FHOD3: variants seen among roughly 807,000 people sequenced by gnomAD.
FHOD3 encodes the protein formin homology 2 domain containing 3, also known as FH1/FH2 domain-containing protein 3.
In FHOD3, 90 loss-of-function variants were observed where a neutral mutation model predicts 173.0. That is an observed-to-expected ratio of 0.52 (90% confidence interval 0.44 to 0.62). The LOEUF (loss-of-function observed/expected upper bound fraction) is 0.62. Among genes scored for constraint, FHOD3 ranks in the 20% least tolerant of loss-of-function variants. The pLI is 0.00. For missense variants in FHOD3, 1,945 were observed against 2,034.7 expected (o/e 0.96, Z 0.85); for synonymous variants, 828 against 823.0 (o/e 1.01, Z -0.10).
intron 13 of FHOD3, among the ~76,000 whole-genome samples, chr18:36,655,519 G>A (rs889655596): frequency 1.3e-5 from 2 of 152,112 alleles, no homozygotes; most frequent in African/African-American, 2.4e-5. Flanking sequence ...TGTGAATGAA[G>A]GTTGACTTTG....
chr18:36,373,252 C>T (rs896756423), intron 3 of FHOD3, among the ~76,000 whole-genome samples: 16 of 152,160 alleles, frequency 1.1e-4, no homozygotes, highest in Non-Finnish European at 1.5e-4. Flanking sequence ...GCCCAGTTTC[C>T]TCCTGGTAAT....
At chr18:36,380,866 T>G (rs1305615594) in intron 3 of FHOD3, among the ~76,000 whole-genome samples, 1 of 152,108 alleles carries the variant, frequency 6.6e-6, no homozygotes, top group Non-Finnish European at 1.5e-5. Flanking sequence ...AGCTTGGTTC[T>G]TTCCCACCTA....
At chr18:36,756,369 C>T (rs2042635166) in intron 25 of FHOD3, among the ~76,000 whole-genome samples, 1 of 152,098 alleles carries the variant, frequency 6.6e-6, no homozygotes, top group South Asian at 2.1e-4. Context: ...TTTCTCCCAT[C>T]TGTGCGTGCA....
At chr18:36,756,297 G>A (rs1434291954) in intron 25 of FHOD3, among the ~76,000 whole-genome samples, 2 of 152,068 alleles carry the variant, frequency 1.3e-5, no homozygotes, top group Non-Finnish European at 2.9e-5. Flanking sequence ...GGTCATATTT[G>A]GAACTTGTTG....
chr18:36,393,916 A>C (rs1244676016), intron 3 of FHOD3, among the ~76,000 whole-genome samples: 5 of 152,190 alleles, frequency 3.3e-5, no homozygotes, highest in African/African-American at 9.7e-5. Flanking sequence ...GGGACTACAG[A>C]TATATTAGTC....
intron 8 of FHOD3, among the ~76,000 whole-genome samples, chr18:36,611,472 C>T (rs2032668660): frequency 6.6e-6 from 1 of 152,190 alleles, no homozygotes; most frequent in African/African-American, 2.4e-5. Flanking sequence ...CATTTCCTTG[C>T]TTCTGTGAAA....
At chr18:36,725,150 C>T (rs2040993292) in intron 19 of FHOD3, among the ~76,000 whole-genome samples, 3 of 152,208 alleles carry the variant, frequency 2.0e-5, no homozygotes, top group Non-Finnish European at 4.4e-5. Flanking sequence ...GGCTCAGGCA[C>T]CTCCTTCCAT....
intron 3 of FHOD3, among the ~76,000 whole-genome samples, chr18:36,471,425 C>T (rs2053278470): frequency 6.6e-6 from 1 of 152,196 alleles, no homozygotes; most frequent in Non-Finnish European, 1.5e-5. Context: ...GATATCACCC[C>T]TTTGTTTTCC....
chr18:36,388,216 C>A (rs1278229057), intron 3 of FHOD3, among the ~76,000 whole-genome samples: 1 of 152,166 alleles, frequency 6.6e-6, no homozygotes, highest in African/African-American at 2.4e-5. Flanking sequence ...TCATATCTTT[C>A]TGACATTGTC....
chr18:36,343,513 A>T (rs1195014972), intron 1 of FHOD3, among the ~76,000 whole-genome samples: 1 of 152,114 alleles, frequency 6.6e-6, no homozygotes, highest in East Asian at 1.9e-4. Flanking sequence ...GGTCATGGGG[A>T]TACATCCCTC....
rs1271756089 is a variant in FHOD3 at position 36,760,806 on chromosome 18, C to G, written c.4624+24C>G. 32 of 1,588,678 alleles carry G rather than the reference C, an allele frequency of 2.0e-5. 2 individuals carry two copies. The Middle Eastern group carries it at 7.7e-4, about 38-fold the overall frequency. On this transcript the variant is annotated intron_variant, in intron 27 of 28. Coordinates refer to ENST00000590592, the MANE Select transcript of FHOD3 (RefSeq NM_001281740.3). ...AGGTAACTCCTGGCTGCGCGGGGCT[C>G]GTCTTGTCTTCTCAGGTTGGCCGCT...
chr18:36,619,296 G>T (rs1034781782), intron 9 of FHOD3, among the ~76,000 whole-genome samples: 1 of 152,142 alleles, frequency 6.6e-6, no homozygotes, highest in Non-Finnish European at 1.5e-5. Flanking sequence ...AGCTCTGACT[G>T]TATCTGACAT....
At chr18:36,680,798 T>A (rs1005528181) in intron 14 of FHOD3, among the ~76,000 whole-genome samples, 1 of 152,262 alleles carries the variant, frequency 6.6e-6, no homozygotes, top group African/African-American at 2.4e-5. Flanking sequence ...CATTGCAAGT[T>A]TTTTTGTCCT....
At chr18:36,338,640 T>A (rs1461558663) in intron 1 of FHOD3, among the ~76,000 whole-genome samples, 1 of 152,168 alleles carries the variant, frequency 6.6e-6, no homozygotes, top group Non-Finnish European at 1.5e-5. Flanking sequence ...TGGGGGATGC[T>A]ATGGAATGAC....
At chr18:36,383,030 T>G (rs2047867969) in intron 3 of FHOD3, among the ~76,000 whole-genome samples, 1 of 152,218 alleles carries the variant, frequency 6.6e-6, no homozygotes, top group South Asian at 2.1e-4. Flanking sequence ...AGACTTGGTC[T>G]GCCACACTTC....
intron 7 of FHOD3, among the ~76,000 whole-genome samples, chr18:36,601,765 G>A (rs999129551): frequency 2.0e-5 from 3 of 152,208 alleles, no homozygotes; most frequent in Non-Finnish European, 2.9e-5. Context: ...CAAGCCAAGA[G>A]CAAGGCAATT....
chr18:36,329,175 C>T (rs1392189175), intron 1 of FHOD3, among the ~76,000 whole-genome samples: 2 of 152,146 alleles, frequency 1.3e-5, no homozygotes, highest in Non-Finnish European at 2.9e-5. Context: ...ACAGAGCTAC[C>T]AGGGAACCCT....
chr18:36,434,751 TCAGGGTA>T (rs1377994686), intron 3 of FHOD3, among the ~76,000 whole-genome samples: 1 of 152,130 alleles, frequency 6.6e-6, no homozygotes, highest in African/African-American at 2.4e-5. Flanking sequence ...TTTATAATTT[TCAGGGTA>T]CAGGTCTTGC....
chr18:36,681,654 G>A, intron 15 of FHOD3, 84 bp downstream of exon 15: 1 of 1,393,394 alleles, frequency 7.2e-7, no homozygotes. Context: ...ATTTAATATT[G>A]GCATTAAAGG....
Sources: allele counts gnomAD v4.1 joint callset (sites outside exome capture counted in the v4.1 genomes callset), GRCh38; gene constraint gnomAD v4.1.1; transcripts MANE v1.5; gene names NCBI Gene and HGNC (gene_info 2026-07-23, HGNC 2026-07-21).